The following PCLO variants were observed in gnomAD, a reference collection of about 807,000 sequenced individuals.
PCLO encodes the protein protein piccolo.
PCLO carries 82 observed loss-of-function variants against 427.5 expected under a neutral mutation model. The observed-to-expected ratio is 0.19, with a 90% CI of 0.16 to 0.23. The LOEUF (loss-of-function observed/expected upper bound fraction) is 0.23, where lower values mean the gene tolerates loss of function less well. Among genes scored for constraint, PCLO ranks in the 10% least tolerant of loss-of-function variants. PCLO has a pLI of 1.00. For missense variants in PCLO, 6,239 were observed against 6,115.9 expected (o/e 1.02, Z -0.67); for synonymous variants, 2,357 against 2,155.4 (o/e 1.09, Z -2.59).
intron 3 of PCLO, among the ~76,000 whole-genome samples, chr7:83,089,638 T>G (rs1790328141): frequency 6.6e-6 from 1 of 152,186 alleles, no homozygotes; most frequent in African/African-American, 2.4e-5. Flanking sequence ...ACATTTAATA[T>G]GTCCTTCCAC....
chr7:82,893,917 A>C (rs1382682212), intron 9 of PCLO, among the ~76,000 whole-genome samples: 1 of 151,952 alleles, frequency 6.6e-6, no homozygotes, highest in Non-Finnish European at 1.5e-5. Context: ...TCAATACTAT[A>C]ATGGAATATT....
At chr7:82,922,584 A>G (rs1794622577) in intron 6 of PCLO, among the ~76,000 whole-genome samples, 2 of 151,844 alleles carry the variant, frequency 1.3e-5, no homozygotes, top group Non-Finnish European at 2.9e-5. Flanking sequence ...CTGGGGTCTG[A>G]GGGTGGAGAG....
intron 3 of PCLO, among the ~76,000 whole-genome samples, chr7:83,133,837 A>C (rs1791636916): frequency 6.6e-6 from 1 of 152,080 alleles, no homozygotes; most frequent in Non-Finnish European, 1.5e-5. Context: ...GACTGGAAGG[A>C]TTAGAGATGG....
At chr7:82,992,520 T>C (rs967359588) in intron 3 of PCLO, among the ~76,000 whole-genome samples, 22 of 152,208 alleles carry the variant, frequency 1.4e-4, no homozygotes, top group African/African-American at 5.1e-4. Flanking sequence ...TCAATAAAAA[T>C]TGATGCCTCA....
intron 22 of PCLO, among the ~76,000 whole-genome samples, chr7:82,769,837 A>AAT (rs1227125450): frequency 2.7e-4 from 41 of 152,126 alleles, no homozygotes; most frequent in African/African-American, 9.4e-4. Flanking sequence ...CTATCACCTC[A>AAT]TAATTTGTTA....
chr7:83,068,445 C>T lies in PCLO; in HGVS notation c.3300+65805G>A, dbSNP rs148345440. On this transcript the variant is annotated intron_variant, in intron 3 of 24. Transcript: ENST00000333891. ...CAAACAAAAAACCCCCCAGATAATC[C>T]AATTAAAAAATCTACTCAGCAAAGG... Among the ~76,000 whole-genome samples, 1,429 of 151,824 alleles carry T rather than the reference C, an allele frequency of 9.4e-3. 14 individuals carry two copies. The highest frequency in any genetic ancestry group is 0.014 in the Non-Finnish European group (932 of 67,896).
In PCLO at chr7:82,798,153, G is replaced by T. The variant is rs375016784; in HGVS notation, c.15007+3365C>A. 3.9e-5 allele frequency among the ~76,000 whole-genome samples: 6 copies of T among 152,054 alleles called. No homozygotes were observed. The East Asian group carries it at 1.2e-3, about 29-fold the overall frequency. Reference sequence around the variant, plus strand: ...TGCTGTCCTAAAGCAAATCTTTGTAGATGAGTATTTCTTAGAGTGGACTAA... The same window carrying T: ...TGCTGTCCTAAAGCAAATCTTTGTATATGAGTATTTCTTAGAGTGGACTAA... On this transcript the variant is annotated intron_variant, in intron 22 of 24. Transcript: ENST00000333891.
At chr7:83,017,951 G>T (rs770886908) in intron 3 of PCLO, 3 of 151,944 alleles carry the variant, frequency 2.0e-5, no homozygotes, top group Non-Finnish European at 4.4e-5. Context: ...CACCTAAGCA[G>T]GTTTGGGCCT....
chr7:83,066,645 GT>G (rs2116335548), intron 3 of PCLO, among the ~76,000 whole-genome samples: 1 of 152,150 alleles, frequency 6.6e-6, no homozygotes, highest in African/African-American at 2.4e-5. Context: ...CTTCTGGTGG[GT>G]TTAGATTATT....
intron 9 of PCLO, among the ~76,000 whole-genome samples, chr7:82,895,000 T>G (rs929488694): frequency 1.3e-5 from 2 of 151,986 alleles, no homozygotes; most frequent in Admixed American, 6.6e-5. Context: ...GAAAGTAAAA[T>G]CATAGTCATA....
intron 3 of PCLO, among the ~76,000 whole-genome samples, chr7:82,983,078 A>G (rs1245030205): frequency 6.6e-6 from 1 of 151,728 alleles, no homozygotes; most frequent in East Asian, 1.9e-4. Flanking sequence ...TATAAATTTA[A>G]GATATTTTAA....
At chr7:83,086,031 T>A (rs1005792824) in intron 3 of PCLO, among the ~76,000 whole-genome samples, 3 of 152,202 alleles carry the variant, frequency 2.0e-5, no homozygotes, top group Non-Finnish European at 2.9e-5. Context: ...TGGTTTCAAC[T>A]AATGATGGGA....
chr7:82,772,297 T>A (rs1284015464), intron 22 of PCLO, among the ~76,000 whole-genome samples: 1 of 152,132 alleles, frequency 6.6e-6, no homozygotes. Context: ...TTTCGGATAT[T>A]TTTTTTCAAA....
intron 3 of PCLO, among the ~76,000 whole-genome samples, chr7:83,094,200 A>ATTTT (rs61624053): frequency 6.5e-5 from 7 of 107,874 alleles, no homozygotes; most frequent in African/African-American, 1.7e-4. Flanking sequence ...TTTGGGACTG[A>ATTTT]TTTTTTTTTC....
chr7:82,797,259 A>G (rs995853631), intron 22 of PCLO, among the ~76,000 whole-genome samples: 3 of 152,150 alleles, frequency 2.0e-5, no homozygotes, highest in African/African-American at 7.2e-5. Context: ...GCTTCATGGA[A>G]AGTTGTGATT....
intron 3 of PCLO, among the ~76,000 whole-genome samples, chr7:83,093,492 A>ATATATTTATATTTTTT: frequency 1.7e-5 from 1 of 59,342 alleles, no homozygotes; most frequent in African/African-American, 5.4e-5. Flanking sequence ...ATATATATAT[A>ATATATTTATATTTTTT]TTTTTTTTTT....
rs772260581 is a variant in PCLO at position 82,865,492 on chromosome 7, A to AAAAC, written c.13654+13841_13654+13844dup. 1.7e-4 allele frequency among the ~76,000 whole-genome samples: 26 copies of AAAAC among 152,266 alleles called. No homozygotes were observed. In the South Asian group the frequency reaches 2.1e-3, roughly 12 times the overall value. The stretch of plus-strand genomic sequence containing the variant: ...GACAGAGCAAGATGCCGTCTCAGAA[A>AAAAC]AAACAAACAAACAAACAAACAAAAA... On this transcript the variant is annotated intron_variant, in intron 10 of 24. Coordinates refer to ENST00000333891, the MANE Select transcript of PCLO (RefSeq NM_033026.6).
rs1282980394 is a variant in PCLO at position 82,953,354 on chromosome 7, TGGTTTGG to T, written c.7592_7598del (p.Pro2531GlnfsTer6). On this transcript the variant is annotated frameshift_variant, in exon 5 of 25. Transcript: ENST00000333891. LOFTEE classifies it high-confidence loss of function. ...TACTTGAAGTTAAAGATAGGCCTGT[TGGTTTGG>T]GGTGTATATCTGTTGGTTTTTGTGT... 6.2e-7 allele frequency: 1 copy of T among 1,613,606 alleles called. No individual in the cohort carries two copies. The highest frequency in any genetic ancestry group is 1.3e-5 in the African/African-American group (1 of 74,856).
rs141488358 is a variant in PCLO at position 83,033,185 on chromosome 7, A to G, written c.3301-66698T>C. ...TCAATTAAACCTCTTTTGTTTAAAAATTACCCAATCTCAGGTTGTATCTTT... is the reference window on the plus strand; with the variant it reads ...TCAATTAAACCTCTTTTGTTTAAAAGTTACCCAATCTCAGGTTGTATCTTT... On this transcript the variant is annotated intron_variant, in intron 3 of 24. Transcript: ENST00000333891. Among the ~76,000 whole-genome samples the G allele has an allele frequency of 3.9e-5, 6 of 152,272 alleles. No homozygotes were observed. The East Asian group carries it at 1.2e-3, about 29-fold the overall frequency.
Sources: gnomAD v4.1 joint callset for allele counts (sites outside exome capture counted in the v4.1 genomes callset) on GRCh38, gnomAD v4.1.1 for gene constraint, MANE v1.5 for transcripts, NCBI Gene and HGNC (gene_info 2026-07-23, HGNC 2026-07-21) for gene names.